ODAD4: variants seen among roughly 807,000 people sequenced by gnomAD.
ODAD4 encodes outer dynein arm docking complex subunit 4.
Under a neutral mutation model 51.8 loss-of-function variants are expected in ODAD4, and 49 were observed. The ratio of observed to expected loss-of-function variants is 0.95; its 90% CI spans 0.75 to 1.20. The LOEUF (loss-of-function observed/expected upper bound fraction) is 1.20. ODAD4 is among the 50% of genes most tolerant of loss of function. The probability of loss-of-function intolerance (pLI) is 0.00; values close to 1 mark genes in which losing one functional copy is unlikely to be tolerated. For missense variants in ODAD4, 590 were observed against 586.5 expected, an observed-to-expected ratio of 1.01 and a Z score of -0.06; for synonymous variants, 235 against 221.3, an observed-to-expected ratio of 1.06 and a Z score of -0.55.
chr17:41,951,880 T>A (rs1439484826), intron 9 of ODAD4, among the ~76,000 whole-genome samples: 1 of 91,678 alleles, frequency 1.1e-5, no homozygotes, highest in Admixed American at 1.6e-4. Context: ...CGAGACTCTG[T>A]CGCAAAAAAA....
chr17:41,933,762 A>T (rs1293069969), intron 1 of ODAD4, among the ~76,000 whole-genome samples: 1 of 151,282 alleles, frequency 6.6e-6, no homozygotes, highest in African/African-American at 2.4e-5. Flanking sequence ...TGCAGTGAGC[A>T]GAGATCGTGC....
In ODAD4 at chr17:41,955,370, C is replaced by A; in HGVS notation, c.1443+53C>A. 4.1e-6 allele frequency: 3 copies of A among 728,530 alleles called. No homozygotes were observed. The South Asian group carries it at 4.3e-5, about 11-fold the overall frequency. The allele number at this position is 728,530 out of a possible 1,614,324, so 45.1% of individuals were successfully genotyped here. A position where few individuals can be genotyped will look rare whatever the true frequency, so the allele number is the denominator to read the frequency against. ...GGTGTCAGGAGTGGGGTTGGGTGGT[C>A]AGGCCTTCAGTTCCCCCTCAGCCTG... On this transcript the variant is annotated intron_variant, in intron 10 of 11. Coordinates refer to ENST00000377540, the MANE Select transcript of ODAD4 (RefSeq NM_031421.5).
intron 10 of ODAD4, among the ~76,000 whole-genome samples, chr17:41,955,762 C>T (rs117470741): frequency 8.0e-4 from 121 of 152,190 alleles, no homozygotes; most frequent in Middle Eastern, 6.8e-3. Flanking sequence ...ACCTCTGCTA[C>T]GTACTCTGCA....
chr17:41,954,199 G>T (rs1243604474), intron 9 of ODAD4, among the ~76,000 whole-genome samples: 7 of 151,740 alleles, frequency 4.6e-5, no homozygotes, highest in African/African-American at 1.7e-4. Context: ...GTTGGCCAGG[G>T]TGGTCTCGAA....
At chr17:41,934,046 T>TC (rs1308121311) in intron 1 of ODAD4, among the ~76,000 whole-genome samples, 2 of 122,986 alleles carry the variant, frequency 1.6e-5, no homozygotes, top group African/African-American at 3.0e-5. Flanking sequence ...TTCTTTTTTT[T>TC]TTTTTTTTTT....
intron 9 of ODAD4, among the ~76,000 whole-genome samples, chr17:41,954,206 C>T (rs983136873): frequency 4.3e-4 from 65 of 150,966 alleles, no homozygotes; most frequent in African/African-American, 1.4e-3. Context: ...AGGGTGGTCT[C>T]GAACTCCTGA....
intron 7 of ODAD4, among the ~76,000 whole-genome samples, chr17:41,941,766 CAA>C (rs35275435): frequency 1.2e-3 from 151 of 122,276 alleles, no homozygotes; most frequent in Middle Eastern, 4.4e-3. Context: ...GACTCCGTCT[CAA>C]AAAAAAAAAA....
intron 10 of ODAD4, 26 bp downstream of exon 10, chr17:41,955,343 C>T (rs375563693): frequency 3.0e-5 from 23 of 758,948 alleles, no homozygotes; most frequent in African/African-American, 2.2e-4. Context: ...CGCCGGGCTT[C>T]GGGTGTCAGG....
In ODAD4 at chr17:41,942,810, C is replaced by T. The variant is rs928599630; in HGVS notation, c.1059-2326C>T. Among the ~76,000 whole-genome samples the T allele has an allele frequency of 5.9e-5, 9 of 152,172 alleles. No homozygotes were observed. The South Asian group carries it at 6.2e-4, about 11-fold the overall frequency. On this transcript the variant is annotated intron_variant, in intron 7 of 11. Coordinates refer to ENST00000377540, the MANE Select transcript of ODAD4 (RefSeq NM_031421.5). ...AGGTCTGGATGCCATGCCTCGAAACCGGTTCAGCCCTCAGGCACTGAGGCC... is the reference window on the plus strand; with the variant it reads ...AGGTCTGGATGCCATGCCTCGAAACTGGTTCAGCCCTCAGGCACTGAGGCC...
chr17:41,933,477 C>G (rs1250162745), intron 1 of ODAD4, among the ~76,000 whole-genome samples: 2 of 152,124 alleles, frequency 1.3e-5, no homozygotes, highest in Non-Finnish European at 2.9e-5. Flanking sequence ...ATGGTGAAAC[C>G]CTGTTTCTAC....
chr17:41,962,240 G>C (rs2050815016), intron 11 of ODAD4, among the ~76,000 whole-genome samples: 1 of 152,186 alleles, frequency 6.6e-6, no homozygotes, highest in Non-Finnish European at 1.5e-5. Context: ...GGGTGACTCG[G>C]GGCCCCACTC....
At chr17:41,953,680 G>A (rs1194170403) in intron 9 of ODAD4, among the ~76,000 whole-genome samples, 1 of 151,258 alleles carries the variant, frequency 6.6e-6, no homozygotes, top group African/African-American at 2.4e-5. Flanking sequence ...GAGAGAGAGA[G>A]AGAGAGAGAC....
Position 41,965,443 on chromosome 17 carries a change from C to T in ODAD4, c.1979C>T (p.Thr660Met), listed in dbSNP as rs994514258. 1.3e-6 allele frequency: 1 copy of T among 765,478 alleles called. No homozygotes were observed. The highest frequency in any genetic ancestry group is 2.4e-6 in the Non-Finnish European group (1 of 413,990). 47.4% of individuals were successfully genotyped at this position (765,478 alleles called of 1,614,324 possible). A position where few individuals can be genotyped will look rare whatever the true frequency, so the allele number is the denominator to read the frequency against. Reference protein sequence around the residue: ...GKTQFGEIGETKKTGNEMEKE... With the variant: ...GKTQFGEIGEMKKTGNEMEKE... ...ACACAATTTGGAGAAATAGGAGAAA[C>T]GAAAAAAACAGGAAATGAGATGGAA... Residue 660 changes from threonine to methionine, a missense_variant, in exon 12 of 12, where the codon ACG becomes ATG. Around this residue, in one of 3 missense-constraint regions of ODAD4, gnomAD observed 226 missense variants for 162.7 expected, o/e 1.39. Coordinates refer to ENST00000377540, the MANE Select transcript of ODAD4 (RefSeq NM_031421.5).
At chr17:41,947,471 C>T (rs1352610655) in intron 8 of ODAD4, among the ~76,000 whole-genome samples, 1 of 144,278 alleles carries the variant, frequency 6.9e-6, no homozygotes, top group African/African-American at 2.6e-5. Flanking sequence ...GGTGACGCAG[C>T]AAGACTCTGT....
rs1209968554 is a variant in ODAD4 at position 41,966,449 on chromosome 17, A to C, written c.*966A>C. ...AAAAAAAAGTTTTTAATTAATGCAA[A>C]AGTCCATGATGAATAAAATATCAAA... On this transcript the variant is annotated 3_prime_UTR_variant, in exon 12 of 12. Coordinates refer to ENST00000377540, the MANE Select transcript of ODAD4 (RefSeq NM_031421.5). Among the ~76,000 whole-genome samples the C allele has an allele frequency of 2.0e-5, 3 of 152,264 alleles. No homozygotes were observed. The highest frequency in any genetic ancestry group is 4.4e-5 in the Non-Finnish European group (3 of 68,040).
intron 1 of ODAD4, among the ~76,000 whole-genome samples, chr17:41,933,064 C>A (rs1478170240): frequency 6.6e-6 from 1 of 151,924 alleles, no homozygotes; most frequent in African/African-American, 2.4e-5. Context: ...AAATGATGAC[C>A]AGATAAGTGA....
intron 7 of ODAD4, among the ~76,000 whole-genome samples, chr17:41,943,970 C>T (rs1195005936): frequency 6.6e-6 from 1 of 151,894 alleles, no homozygotes; most frequent in Non-Finnish European, 1.5e-5. Flanking sequence ...GAGGCCGAGG[C>T]GGGTGAATCA....
chr17:41,952,015 T>C (rs985868875), intron 9 of ODAD4, among the ~76,000 whole-genome samples: 71 of 147,928 alleles, frequency 4.8e-4, no homozygotes, highest in African/African-American at 1.7e-3. Context: ...CTGGGCAACA[T>C]AGGGAGATCT....
chr17:41,944,444 A>ACACACACC (rs1191101800), intron 7 of ODAD4, among the ~76,000 whole-genome samples: 134 of 19,508 alleles, frequency 6.9e-3, no homozygotes, highest in Non-Finnish European at 0.011. Context: ...ACACACACAC[A>ACACACACC]CCCCCCCGCA....
Sources: allele counts gnomAD v4.1 joint callset (sites outside exome capture counted in the v4.1 genomes callset), GRCh38; gene constraint gnomAD v4.1.1; regional missense constraint gnomAD v4.1.1; transcripts MANE v1.5; gene names NCBI Gene and HGNC (gene_info 2026-07-23, HGNC 2026-07-21).